Variants in PHC1 observed in about 807,000 individuals in gnomAD.
The protein encoded by PHC1 is polyhomeotic homolog 1, also known as polyhomeotic-like protein 1.
Under a neutral mutation model 104.3 loss-of-function variants are expected in PHC1, and 12 were observed. The observed-to-expected ratio is 0.12, with a 90% confidence interval of 0.07 to 0.19. The LOEUF (loss-of-function observed/expected upper bound fraction) is 0.19. Ranked by LOEUF, PHC1 falls within the 10% of genes least tolerant of loss-of-function variation. The pLI is 1.00. For synonymous variants in PHC1, 302 were observed against 455.8 expected (o/e 0.66, Z 4.30); for missense variants, 671 against 1,200.0 (o/e 0.56, Z 6.51).
Position 8,939,301 on chromosome 12 carries a change from C to G in PHC1, c.2861-4C>G. On this transcript the variant is annotated splice_polypyrimidine_tract_variant and splice_region_variant and intron_variant, in intron 14 of 14. Coordinates refer to ENST00000544916, the MANE Select transcript of PHC1 (RefSeq NM_004426.3). ...TACCTACATGTTCTCACCATTTCTT[C>G]TAGGCTGCCAAGAGATTGCAGAGGA... The G allele has an allele frequency of 6.2e-7, 1 of 1,614,190 alleles. No homozygotes were observed. Among genetic ancestry groups the G allele is most frequent in the Non-Finnish European group, 8.5e-7 (1 of 1,180,034 alleles).
Position 8,934,466 on chromosome 12 carries a change from A to G in PHC1, c.2241A>G (p.Ala747=). 1 of 1,613,256 alleles carries G rather than the reference A, an allele frequency of 6.2e-7. No individual in the cohort carries two copies. Among genetic ancestry groups the G allele is most frequent in the Non-Finnish European group, 8.5e-7 (1 of 1,179,328 alleles). The change falls in exon 10 of 15, where the codon GCA becomes GCG. Residue 747 remains alanine, a synonymous_variant. Coordinates refer to ENST00000544916, the MANE Select transcript of PHC1 (RefSeq NM_004426.3). ...IIEGFVIQEG[A]EPFPVGCSQL... ...AAGGCTTTGTTATCCAGGAAGGAGC[A>G]GAACCTTTCCCGGTGAGGGCAGGGC...
chr12:8,929,648 C>G (rs949927245), intron 6 of PHC1, among the ~76,000 whole-genome samples: 1 of 151,902 alleles, frequency 6.6e-6, no homozygotes, highest in African/African-American at 2.4e-5. Flanking sequence ...TCACCTTGGC[C>G]TCCTGAGTAG....
chr12:8,940,271 T>A lies in PHC1; in HGVS notation c.*812T>A, dbSNP rs1400857782. 1 of 161,340 alleles carries A rather than the reference T, an allele frequency of 6.2e-6. No individual in the cohort carries two copies. The highest frequency in any genetic ancestry group is 1.4e-5 in the Non-Finnish European group (1 of 72,872). The allele number at this position is 161,340 out of a possible 1,614,324, so 10.0% of individuals were successfully genotyped here. On this transcript the variant is annotated 3_prime_UTR_variant, in exon 15 of 15. Coordinates refer to ENST00000544916, the MANE Select transcript of PHC1 (RefSeq NM_004426.3). ...CCTTATATAACAAAAATATTAAATATTTTTTTCCTCAGTAAAAGGATGAAA... is the reference window on the plus strand; with the variant it reads ...CCTTATATAACAAAAATATTAAATAATTTTTTCCTCAGTAAAAGGATGAAA...
At chr12:8,921,504 T>G (rs1945362163) in intron 4 of PHC1, 97 bp from the exon 5 acceptor site, 2 of 1,063,878 alleles carry the variant, frequency 1.9e-6, no homozygotes, top group Non-Finnish European at 2.8e-6. Flanking sequence ...AGTGAAATAC[T>G]CTGTTCTTGA....
rs201210657 is a variant in PHC1 at position 8,933,192 on chromosome 12, C to T, written c.1735C>T (p.Pro579Ser). 1 of 1,429,972 alleles carries T rather than the reference C, an allele frequency of 7.0e-7. No homozygotes were observed. The highest frequency in any genetic ancestry group is 2.6e-5 in the Admixed American group (1 of 38,870). The allele number at this position is 1,429,972 out of a possible 1,614,324, so 88.6% of individuals were successfully genotyped here. A position where few individuals can be genotyped will look rare whatever the true frequency, so the allele number is the denominator to read the frequency against. The change falls in exon 8 of 15, where the codon CCT becomes TCT. Residue 579 changes from proline (P) to serine (S), a missense_variant. Pro to Ser is a moderately conservative substitution (Grantham distance 74). This residue lies in a region of PHC1 where 26 missense variants were observed against 130.8 expected (regional missense o/e 0.20). Transcript: ENST00000544916. ...LASSPPSSQA[P>S]GALQECPPTL... ...CTCCTCGCCACCTTCATCCCAGGCT[C>T]CTGGTGCACTGCAGGAGTGCCCTCC...
chr12:8,939,335 C>T lies in PHC1; in HGVS notation c.2891C>T (p.Ser964Leu). 6.2e-7 allele frequency: 1 copy of T among 1,613,914 alleles called. No individual in the cohort carries two copies. The highest frequency in any genetic ancestry group is 1.1e-5 in the South Asian group (1 of 91,064). The change falls in exon 15 of 15, where the codon TCA becomes TTA. Residue 964 changes from serine to leucine, a missense_variant. By Grantham distance (145) the Ser-to-Leu change is moderately radical. Coordinates refer to ENST00000544916, the MANE Select transcript of PHC1 (RefSeq NM_004426.3). The stretch of plus-strand genomic sequence containing the variant: ...CAAGAGATTGCAGAGGAATTTCGCT[C>T]ACAGGAGATTGATGGACAGGCCCTT... ...GCQEIAEEFR[S>L]QEIDGQALLL...
intron 6 of PHC1, among the ~76,000 whole-genome samples, chr12:8,924,627 C>T (rs1166951257): frequency 6.6e-6 from 1 of 152,094 alleles, no homozygotes; most frequent in Non-Finnish European, 1.5e-5. Context: ...GAGAAGAAAA[C>T]TAGAGAGAGA....
At position 8,933,328 on chromosome 12, in the gene PHC1, A is replaced by G. The variant is rs2137117266; in HGVS notation, c.1871A>G (p.Tyr624Cys). 3.9e-6 allele frequency: 6 copies of G among 1,540,948 alleles called. No homozygotes were observed. In the South Asian group the frequency reaches 6.1e-5, roughly 16 times the overall value. ...GTAGCCCAGGTCCCTGCTGCCTTCT[A>G]TATGCAGTCTGTGCACTTGCCGGTG... ...PVVAQVPAAF[Y>C]MQSVHLPGKP... The change falls in exon 8 of 15, where the codon TAT becomes TGT. Residue 624 changes from tyrosine to cysteine, a missense_variant. Physicochemically the swap from Tyr to Cys is radical, Grantham distance 194 (BLOSUM62 -2). Coordinates refer to ENST00000544916, the MANE Select transcript of PHC1 (RefSeq NM_004426.3).
chr12:8,916,171 A>G (rs973087926), intron 1 of PHC1: 1 of 154,366 alleles, frequency 6.5e-6, no homozygotes, highest in Non-Finnish European at 1.5e-5. Flanking sequence ...TTTGGGTAAT[A>G]TACATGTTTG....
At position 8,936,845 on chromosome 12, in the gene PHC1, T is replaced by C; in HGVS notation, c.2369-11T>C. 6.4e-7 allele frequency: 1 copy of C among 1,562,454 alleles called. No individual in the cohort carries two copies. The highest frequency in any genetic ancestry group is 1.7e-4 in the Middle Eastern group (1 of 5,980). ...CCCATGGTGACTGTCCAGCAATACCTTGTTTTTTAGAGTTAGATAAGAAGG... is the reference window on the plus strand; with the variant it reads ...CCCATGGTGACTGTCCAGCAATACCCTGTTTTTTAGAGTTAGATAAGAAGG... On this transcript the variant is annotated splice_polypyrimidine_tract_variant and intron_variant, in intron 11 of 14. Coordinates refer to ENST00000544916, the MANE Select transcript of PHC1 (RefSeq NM_004426.3).
At chr12:8,932,082 A>G (rs887782) in intron 7 of PHC1, among the ~76,000 whole-genome samples, 115,627 of 151,950 alleles carry the variant, frequency 0.76, 44,922 homozygotes, top group Non-Finnish European at 0.84. Flanking sequence ...GAAGACGTTG[A>G]CATCTTTAAC....
upstream of PHC1, among the ~76,000 whole-genome samples, chr12:8,914,343 G>T (rs142469283): frequency 0.014 from 2,187 of 152,018 alleles, 18 homozygotes; most frequent in Middle Eastern, 0.027. Flanking sequence ...AAACCCCTGG[G>T]CCTGGAGCGC....
At chr12:8,922,520 C>A in intron 5 of PHC1, 113 bp from the exon 6 acceptor site, 1 of 897,056 alleles carries the variant, frequency 1.1e-6, no homozygotes, top group Non-Finnish European at 1.7e-6. Context: ...AGAGGCAGGG[C>A]TCAGCTGTTT....
intron 6 of PHC1, among the ~76,000 whole-genome samples, chr12:8,923,763 G>A (rs1024441730): frequency 2.7e-5 from 4 of 147,702 alleles, no homozygotes; most frequent in African/African-American, 9.9e-5. Context: ...CCGGGAGGCG[G>A]AGCTTGCAGT....
In PHC1 at chr12:8,937,317, G is replaced by A. The variant is rs751746599; in HGVS notation, c.2619G>A (p.Lys873=). The part of the protein sequence containing the change: ...SDIARAKIQG[K]CHRGQEDSSR... ...TTGCCCGTGCCAAGATTCAGGGCAA[G>A]TGCCACCGGGTGAGCTGCTTGTTGT... Residue 873 remains lysine, a synonymous_variant, in exon 13 of 15, where the codon AAG becomes AAA. Transcript: ENST00000544916. 6.2e-7 allele frequency: 1 copy of A among 1,606,672 alleles called. No individual in the cohort carries two copies. The highest frequency in any genetic ancestry group is 1.7e-5 in the Admixed American group (1 of 58,448).
At chr12:8,921,886 T>C (rs749760355) in intron 5 of PHC1, 136 bp downstream of exon 5, 10 of 784,348 alleles carry the variant, frequency 1.3e-5, no homozygotes, top group Admixed American at 1.2e-4. Context: ...CAATAATGGC[T>C]CACTGCAGCC....
intron 12 of PHC1, 78 bp downstream of exon 12, chr12:8,937,042 C>A: frequency 7.2e-7 from 1 of 1,388,260 alleles, no homozygotes; most frequent in South Asian, 1.2e-5. Context: ...AGGATCGTCT[C>A]ATAGCTGATA....
In PHC1 at chr12:8,919,996, T is replaced by A; in HGVS notation, c.225+130T>A. 1 of 1,392,926 alleles carries A rather than the reference T, an allele frequency of 7.2e-7. No homozygotes were observed. The highest frequency in any genetic ancestry group is 9.8e-7 in the Non-Finnish European group (1 of 1,019,376). 86.3% of individuals were successfully genotyped at this position (1,392,926 alleles called of 1,614,324 possible). On this transcript the variant is annotated intron_variant, in intron 3 of 14. Transcript: ENST00000544916. The surrounding 1 kb of genome is among the most constrained non-coding windows in gnomAD (Gnocchi z 4.9). ...AGACAGCCTCCTCCGCCTCCTGTCC[T>A]TCTGTGGGAGGATGGATGCATCTTA...
At chr12:8,916,881 T>C (rs1945219040) in intron 1 of PHC1, among the ~76,000 whole-genome samples, 2 of 152,318 alleles carry the variant, frequency 1.3e-5, no homozygotes, top group African/African-American at 2.4e-5. Context: ...ATTTGGGCTA[T>C]GTGGGCTGTA....
Sources: gnomAD v4.1 joint callset for allele counts (sites outside exome capture counted in the v4.1 genomes callset) on GRCh38, gnomAD v4.1.1 for gene constraint, gnomAD v4.1.1 regional missense constraint, Gnocchi (gnomAD v3.1) non-coding constraint, MANE v1.5 for transcripts, NCBI Gene and HGNC (gene_info 2026-07-23, HGNC 2026-07-21) for gene names.